Variants in GRM1 observed in about 807,000 individuals in gnomAD.
GRM1 encodes the protein metabotropic glutamate receptor 1.
A neutral mutation model predicts 90.9 loss-of-function variants in GRM1; 33 were observed. The observed-to-expected ratio is 0.36, with a 90% confidence interval of 0.28 to 0.49. The LOEUF (loss-of-function observed/expected upper bound fraction) is 0.49, where lower values mean the gene tolerates loss of function less well. Among genes scored for constraint, GRM1 ranks in the 20% least tolerant of loss-of-function variants. GRM1 has a pLI of 0.99. For synonymous variants in GRM1, 700 were observed against 613.2 expected (o/e 1.14, Z -2.09); for missense variants, 1,190 against 1,534.3 (o/e 0.78, Z 3.75).
chr6:146,130,694 G>T (rs1460813392), intron 1 of GRM1, among the ~76,000 whole-genome samples: 1 of 152,098 alleles, frequency 6.6e-6, no homozygotes, highest in Non-Finnish European at 1.5e-5. Flanking sequence ...ACCAAGAAGA[G>T]TCTGAGAAAG....
chr6:146,128,676 TTAA>T (rs1393575627), intron 1 of GRM1, among the ~76,000 whole-genome samples: 2 of 152,184 alleles, frequency 1.3e-5, no homozygotes, highest in Non-Finnish European at 2.9e-5. Context: ...TTCAGAAATA[TTAA>T]TATTTTAGAT....
intron 2 of GRM1, among the ~76,000 whole-genome samples, chr6:146,278,947 C>T (rs867972415): frequency 6.6e-6 from 1 of 152,096 alleles, no homozygotes; most frequent in African/African-American, 2.4e-5. Flanking sequence ...CCTCCTAATC[C>T]GCCCGCCTCG....
chr6:146,068,127 T>G (rs1775909049), intron 1 of GRM1, among the ~76,000 whole-genome samples: 1 of 152,072 alleles, frequency 6.6e-6, no homozygotes, highest in African/African-American at 2.4e-5. Flanking sequence ...TTTTTTTTTT[T>G]TTGAGACGGA....
rs557752501 is a variant in GRM1 at position 146,434,765 on chromosome 6, G to A, written c.3554G>A (p.Arg1185Gln). The change falls in exon 8 of 8, where the codon CGG (arginine) becomes CAG (glutamine). Residue 1185 changes from arginine to glutamine, a missense_variant. Around this residue, in one of 10 missense-constraint regions of GRM1, gnomAD observed 48 missense variants for 48.5 expected, o/e 0.99. Transcript: ENST00000282753. Reference sequence around the variant, plus strand: ...GTATCCTACGCCTCTGTCATTCTGCGGGACTACAAGCAAAGCTCTTCCACC... The same window carrying A: ...GTATCCTACGCCTCTGTCATTCTGCAGGACTACAAGCAAAGCTCTTCCACC... ...PNVSYASVILRDYKQSSSTL is the reference protein window; with the variant it reads ...PNVSYASVILQDYKQSSSTL The A allele has an allele frequency of 3.6e-5, 57 of 1,599,556 alleles. No individual in the cohort carries two copies. Among genetic ancestry groups the A allele is most frequent in the South Asian group, 9.9e-5 (9 of 91,084 alleles).
intron 1 of GRM1, among the ~76,000 whole-genome samples, chr6:146,093,398 G>C (rs1358136091): frequency 2.0e-5 from 3 of 152,018 alleles, no homozygotes; most frequent in Non-Finnish European, 4.4e-5. Context: ...ATATTGGTTG[G>C]TTGGTTTACA....
intron 2 of GRM1, among the ~76,000 whole-genome samples, chr6:146,295,472 AT>A (rs1783144512): frequency 6.6e-6 from 1 of 151,616 alleles, no homozygotes; most frequent in East Asian, 1.9e-4. Context: ...ACCTCAGGTG[AT>A]CTGCACACCT....
chr6:146,421,161 C>A (rs1777976457), intron 7 of GRM1, among the ~76,000 whole-genome samples: 1 of 151,878 alleles, frequency 6.6e-6, no homozygotes, highest in African/African-American at 2.4e-5. Context: ...AACAATGTAC[C>A]AATTCTAGTT....
At chr6:146,145,790 G>T (rs755751287) in intron 1 of GRM1, among the ~76,000 whole-genome samples, 1 of 152,182 alleles carries the variant, frequency 6.6e-6, no homozygotes, top group South Asian at 2.1e-4. Flanking sequence ...TTGGAGCCAT[G>T]AGAGTGGGAC....
At chr6:146,209,563 A>T (rs968293093) in intron 2 of GRM1, among the ~76,000 whole-genome samples, 1 of 152,180 alleles carries the variant, frequency 6.6e-6, no homozygotes, top group Non-Finnish European at 1.5e-5. Flanking sequence ...TCAGAAAAAA[A>T]AATTATGTAT....
chr6:146,407,459 G>A (rs1777387064), intron 7 of GRM1, among the ~76,000 whole-genome samples: 1 of 152,160 alleles, frequency 6.6e-6, no homozygotes, highest in African/African-American at 2.4e-5. Flanking sequence ...TCTTCAAAGA[G>A]AACATAATTC....
chr6:146,270,847 CTTTTTCTT>C (rs1292586049), intron 2 of GRM1, among the ~76,000 whole-genome samples: 7 of 128,340 alleles, frequency 5.5e-5, no homozygotes, highest in African/African-American at 1.9e-4. Context: ...GCCTTTCTTT[CTTTTTCTT>C]TCTTTCTTTC....
chr6:146,276,595 A>T (rs886810240), intron 2 of GRM1, among the ~76,000 whole-genome samples: 2 of 152,168 alleles, frequency 1.3e-5, no homozygotes, highest in Admixed American at 6.5e-5. Context: ...CAAAGAAAAA[A>T]AATTAACAGG....
intron 1 of GRM1, among the ~76,000 whole-genome samples, chr6:146,102,166 C>T (rs1372863696): frequency 6.6e-6 from 1 of 152,116 alleles, no homozygotes; most frequent in Non-Finnish European, 1.5e-5. Context: ...GGGTTCTCTT[C>T]CACTGCCCAT....
intron 1 of GRM1, among the ~76,000 whole-genome samples, chr6:146,139,679 T>C (rs1776762326): frequency 6.6e-6 from 1 of 152,214 alleles, no homozygotes; most frequent in African/African-American, 2.4e-5. Flanking sequence ...TTCCTTTATT[T>C]TTAGTCTGTG....
At chr6:146,433,402 C>T (rs953539206) in intron 7 of GRM1, among the ~76,000 whole-genome samples, 1 of 152,060 alleles carries the variant, frequency 6.6e-6, no homozygotes, top group African/African-American at 2.4e-5. Flanking sequence ...CACAACACAA[C>T]GAGAGTAGCT....
chr6:146,110,232 G>A (rs1176513432), intron 1 of GRM1, among the ~76,000 whole-genome samples: 2 of 152,126 alleles, frequency 1.3e-5, no homozygotes, highest in Non-Finnish European at 2.9e-5. Context: ...TGTAGCTCCT[G>A]CTGTTCCCAC....
At position 146,074,250 on chromosome 6, in the gene GRM1, G is replaced by A. The variant is rs112737403; in HGVS notation, c.700+44033G>A. On this transcript the variant is annotated intron_variant, in intron 1 of 7. Coordinates refer to ENST00000282753, the MANE Select transcript of GRM1 (RefSeq NM_001278064.2). Reference sequence around the variant, plus strand: ...GGGTTGGAGTGGTGTGGGCAAGATTGTGCAGCCTTCATCTCGAAAAGGTTG... The same window carrying A: ...GGGTTGGAGTGGTGTGGGCAAGATTATGCAGCCTTCATCTCGAAAAGGTTG... 7.6e-3 allele frequency among the ~76,000 whole-genome samples: 1,153 copies of A among 152,238 alleles called. 9 individuals are homozygous for A. The highest frequency in any genetic ancestry group is 0.026 in the African/African-American group (1,089 of 41,546).
intron 2 of GRM1, among the ~76,000 whole-genome samples, chr6:146,174,210 A>G (rs1223386277): frequency 6.6e-6 from 1 of 152,182 alleles, no homozygotes; most frequent in Non-Finnish European, 1.5e-5. Context: ...CTACACAGGT[A>G]TATTCCCTGG....
chr6:146,433,290 T>A (rs894331602), intron 7 of GRM1, among the ~76,000 whole-genome samples: 2 of 152,178 alleles, frequency 1.3e-5, no homozygotes, highest in African/African-American at 4.8e-5. Context: ...GTCATCTGCT[T>A]TTTTATGTTC....
Sources: gnomAD v4.1 joint callset for allele counts (sites outside exome capture counted in the v4.1 genomes callset) on GRCh38, gnomAD v4.1.1 for gene constraint, gnomAD v4.1.1 regional missense constraint, MANE v1.5 for transcripts, NCBI Gene and HGNC (gene_info 2026-07-23, HGNC 2026-07-21) for gene names.